Variants in SRPK2 observed in about 807,000 individuals in gnomAD.
SRPK2 encodes SFRS protein kinase 2.
SRPK2 carries 21 observed loss-of-function variants against 90.8 expected under a neutral mutation model. That is an observed-to-expected ratio of 0.23 (90% CI 0.16 to 0.33). The LOEUF (loss-of-function observed/expected upper bound fraction) is 0.33. SRPK2 is among the 10% of genes least tolerant of loss of function. SRPK2 has a pLI of 1.00. For missense variants in SRPK2, 620 were observed against 869.0 expected, an observed-to-expected ratio of 0.71 and a Z score of 3.60; for synonymous variants, 288 against 311.1, an observed-to-expected ratio of 0.93 and a Z score of 0.78.
At chr7:105,379,827 A>G (rs1820735470) in intron 2 of SRPK2, among the ~76,000 whole-genome samples, 1 of 152,134 alleles carries the variant, frequency 6.6e-6, no homozygotes. Context: ...AAATACAAAA[A>G]TTAGCTGGGG....
intron 2 of SRPK2, among the ~76,000 whole-genome samples, chr7:105,290,223 C>G (rs546768709): frequency 2.8e-5 from 4 of 143,022 alleles, no homozygotes; most frequent in Non-Finnish European, 4.6e-5. Context: ...ATGGCACAAA[C>G]AGATTTGCAA....
At chr7:105,177,166 G>A (rs1462825616) in intron 3 of SRPK2, among the ~76,000 whole-genome samples, 1 of 152,014 alleles carries the variant, frequency 6.6e-6, no homozygotes, top group African/African-American at 2.4e-5. Context: ...CTGGTAAAGT[G>A]AAAATAAAAA....
chr7:105,390,788 T>A (rs1461767933), upstream of SRPK2, among the ~76,000 whole-genome samples: 1 of 152,046 alleles, frequency 6.6e-6, no homozygotes, highest in East Asian at 1.9e-4. Context: ...GTTTATAACA[T>A]TGACTTTTTT....
intron 3 of SRPK2, among the ~76,000 whole-genome samples, chr7:105,178,145 GA>G (rs1792237986): frequency 6.6e-6 from 1 of 151,332 alleles, no homozygotes; most frequent in Non-Finnish European, 1.5e-5. Flanking sequence ...TTCAATCTAA[GA>G]AAACACTACT....
intron 6 of SRPK2, among the ~76,000 whole-genome samples, chr7:105,163,171 A>T (rs1311130132): frequency 2.0e-5 from 3 of 152,148 alleles, no homozygotes; most frequent in Non-Finnish European, 4.4e-5. Flanking sequence ...GATTTCAAAA[A>T]TTTTTTTGCA....
At chr7:105,345,097 T>C (rs949986839) in intron 2 of SRPK2, among the ~76,000 whole-genome samples, 4 of 150,480 alleles carry the variant, frequency 2.7e-5, no homozygotes, top group Admixed American at 1.3e-4. Flanking sequence ...GATCGCACCA[T>C]TGCACTCCAG....
chr7:105,347,911 C>T (rs1816661817), intron 2 of SRPK2, among the ~76,000 whole-genome samples: 1 of 150,952 alleles, frequency 6.6e-6, no homozygotes, highest in Non-Finnish European at 1.5e-5. Context: ...TTCTAAATTA[C>T]ATTAACAAAG....
intron 8 of SRPK2, 74 bp from the exon 9 acceptor site, chr7:105,145,382 CA>C: frequency 1.8e-6 from 2 of 1,086,470 alleles, no homozygotes; most frequent in Non-Finnish European, 2.7e-6. Flanking sequence ...ATTCGAATTG[CA>C]AAGTGAAATA....
intron 2 of SRPK2, among the ~76,000 whole-genome samples, chr7:105,227,796 T>C (rs1012082655): frequency 6.6e-6 from 1 of 150,630 alleles, no homozygotes; most frequent in African/African-American, 2.4e-5. Context: ...AGTCACAATA[T>C]TCAGAACATC....
intron 2 of SRPK2, among the ~76,000 whole-genome samples, chr7:105,216,294 T>C (rs936909779): frequency 3.9e-5 from 6 of 152,122 alleles, no homozygotes; most frequent in Non-Finnish European, 8.8e-5. Context: ...ATGCTATGTA[T>C]CATTTGTTTT....
At chr7:105,357,493 C>G (rs545984843) in intron 2 of SRPK2, among the ~76,000 whole-genome samples, 23 of 152,182 alleles carry the variant, frequency 1.5e-4, no homozygotes, top group African/African-American at 5.5e-4. Flanking sequence ...ATTTCTAGAT[C>G]TGATGTAATA....
intron 2 of SRPK2, among the ~76,000 whole-genome samples, chr7:105,230,444 T>C (rs1291165300): frequency 6.6e-6 from 1 of 151,986 alleles, no homozygotes; most frequent in African/African-American, 2.4e-5. Context: ...AAGTAAGCAG[T>C]AGATAGAGAA....
chr7:105,232,305 C>G (rs1799523545), intron 2 of SRPK2, among the ~76,000 whole-genome samples: 1 of 151,796 alleles, frequency 6.6e-6, no homozygotes, highest in Non-Finnish European at 1.5e-5. Flanking sequence ...ACTAAAAATA[C>G]AAAATTAGCC....
At chr7:105,359,769 A>G (rs2132232934) in intron 2 of SRPK2, among the ~76,000 whole-genome samples, 1 of 152,238 alleles carries the variant, frequency 6.6e-6, no homozygotes, top group South Asian at 2.1e-4. Flanking sequence ...CATATCTACA[A>G]TCTGTTTCAT....
chr7:105,393,906 C>T (rs916850430), upstream of SRPK2, among the ~76,000 whole-genome samples: 1 of 151,890 alleles, frequency 6.6e-6, no homozygotes, highest in Non-Finnish European at 1.5e-5. Context: ...CTGCTGCATT[C>T]CAACCTGAGC....
intron 15 of SRPK2, among the ~76,000 whole-genome samples, chr7:105,119,078 A>G (rs1163524299): frequency 2.0e-5 from 3 of 150,816 alleles, no homozygotes; most frequent in Non-Finnish European, 4.4e-5. Context: ...TCTGCAGAGG[A>G]AACACCCCCC....
At chr7:105,178,751 A>G (rs967686234) in intron 3 of SRPK2, among the ~76,000 whole-genome samples, 2 of 152,090 alleles carry the variant, frequency 1.3e-5, no homozygotes, top group Non-Finnish European at 2.9e-5. Flanking sequence ...CGAAGCTGCA[A>G]TGAGTAGTGA....
chr7:105,170,745 G>GAAGAA (rs1554435221), intron 3 of SRPK2, among the ~76,000 whole-genome samples: 2 of 45,602 alleles, frequency 4.4e-5, no homozygotes, highest in East Asian at 1.6e-3. Context: ...GGAAGAAAGG[G>GAAGAA]AGGAAGGAAG....
At chr7:105,160,117 T>C (rs1807365879) in intron 7 of SRPK2, among the ~76,000 whole-genome samples, 1 of 152,210 alleles carries the variant, frequency 6.6e-6, no homozygotes, top group African/African-American at 2.4e-5. Flanking sequence ...TATCTATTAT[T>C]TAATCTCCAT....
Sources: allele counts gnomAD v4.1 joint callset (sites outside exome capture counted in the v4.1 genomes callset), GRCh38; gene constraint gnomAD v4.1.1; transcripts MANE v1.5; gene names NCBI Gene and HGNC (gene_info 2026-07-23, HGNC 2026-07-21).